Variants in LHFPL2 observed in about 807,000 individuals in gnomAD.
LHFPL2 encodes LHFPL tetraspan subfamily member 2, also known as LHFPL tetraspan subfamily member 2 protein.
In LHFPL2, 7 loss-of-function variants were observed where a neutral mutation model predicts 17.5. That is an observed-to-expected ratio of 0.40 (90% CI 0.23 to 0.75). The LOEUF (loss-of-function observed/expected upper bound fraction) is 0.75. LHFPL2 is among the 30% of genes least tolerant of loss of function. The pLI is 0.37. For synonymous variants in LHFPL2, 134 were observed against 116.2 expected, an observed-to-expected ratio of 1.15 and a Z score of -0.99; for missense variants, 241 against 294.8, an observed-to-expected ratio of 0.82 and a Z score of 1.34.
chr5:78,503,679 T>G (rs369721664), intron 4 of LHFPL2, among the ~76,000 whole-genome samples: 6 of 150,268 alleles, frequency 4.0e-5, no homozygotes, highest in African/African-American at 1.5e-4. Context: ...GCCTGGGCAA[T>G]AAGAGCGAAA....
At chr5:78,627,799 A>C (rs1032802569) in intron 2 of LHFPL2, among the ~76,000 whole-genome samples, 2 of 152,124 alleles carry the variant, frequency 1.3e-5, no homozygotes, top group Admixed American at 1.3e-4. Flanking sequence ...GTGCTTTGAC[A>C]CTCCGAATAA....
chr5:78,523,963 C>T (rs1030785411), intron 3 of LHFPL2, among the ~76,000 whole-genome samples: 3 of 152,012 alleles, frequency 2.0e-5, no homozygotes, highest in African/African-American at 4.8e-5. Flanking sequence ...GGGAAGGAAA[C>T]GAGCCGGACA....
At chr5:78,550,717 C>T (rs10942862) in intron 3 of LHFPL2, among the ~76,000 whole-genome samples, 54,735 of 151,750 alleles carry the variant, frequency 0.36, 10,799 homozygotes, top group Middle Eastern at 0.47. Context: ...ATTACAGGTT[C>T]CCACCACCAG....
At chr5:78,578,182 T>C (rs1484096443) in intron 2 of LHFPL2, among the ~76,000 whole-genome samples, 1 of 152,236 alleles carries the variant, frequency 6.6e-6, no homozygotes. Flanking sequence ...GGCATGGTCC[T>C]CTGTACTTCA....
intron 1 of LHFPL2, among the ~76,000 whole-genome samples, chr5:78,645,243 G>A (rs1472840289): frequency 6.6e-6 from 1 of 151,578 alleles, no homozygotes; most frequent in Non-Finnish European, 1.5e-5. Context: ...AAACAGAGGT[G>A]TATGGGTTTT....
Position 78,510,244 on chromosome 5 carries a change from A to T in LHFPL2, c.-31T>A, listed in dbSNP as rs755661125. The T allele has an allele frequency of 1.9e-6, 3 of 1,539,558 alleles. No individual in the cohort carries two copies. The highest frequency in any genetic ancestry group is 2.6e-6 in the Non-Finnish European group (3 of 1,141,762). The stretch of plus-strand genomic sequence containing the variant: ...TGTTCCGGGCGAAGAAAGAGTCAGG[A>T]GTCCACGGAGTTAATCAAAACAAGA... On this transcript the variant is annotated 5_prime_UTR_variant, in exon 4 of 5. Transcript: ENST00000380345.
chr5:78,580,799 CT>C (rs2112442231), intron 2 of LHFPL2, among the ~76,000 whole-genome samples: 1 of 152,022 alleles, frequency 6.6e-6, no homozygotes, highest in Admixed American at 6.5e-5. Context: ...CAGCTTTGTT[CT>C]TTTGGCTTAG....
chr5:78,519,694 C>T (rs1048888868), intron 3 of LHFPL2, among the ~76,000 whole-genome samples: 30 of 152,222 alleles, frequency 2.0e-4, no homozygotes, highest in Non-Finnish European at 2.4e-4. Flanking sequence ...AAGCTTAGAA[C>T]AGCACTTAGC....
intron 4 of LHFPL2, among the ~76,000 whole-genome samples, chr5:78,498,546 C>T (rs1754678383): frequency 6.6e-6 from 1 of 152,184 alleles, no homozygotes; most frequent in South Asian, 2.1e-4. Context: ...CTAAGGCAAA[C>T]TGTCAGACAG....
intron 2 of LHFPL2, among the ~76,000 whole-genome samples, chr5:78,573,025 T>C (rs1757042803): frequency 1.3e-5 from 2 of 152,206 alleles, no homozygotes; most frequent in Non-Finnish European, 2.9e-5. Context: ...CTCGCTCGCC[T>C]GGTCCTGCTG....
chr5:78,624,118 G>A (rs1367525909), intron 2 of LHFPL2, among the ~76,000 whole-genome samples: 1 of 152,210 alleles, frequency 6.6e-6, no homozygotes, highest in African/African-American at 2.4e-5. Context: ...TTGCTGGCCT[G>A]CAGAGAGCCT....
In LHFPL2 at chr5:78,585,200, G is replaced by C. The variant is rs1404291188; in HGVS notation, c.-244-20329C>G. The stretch of plus-strand genomic sequence containing the variant: ...TTTTTGTATTTTTAGTAGAGACGGG[G>C]TTTCACCGTTTTTAGCCGGGATGGT... On this transcript the variant is annotated intron_variant, in intron 2 of 4. Coordinates refer to ENST00000380345, the MANE Select transcript of LHFPL2 (RefSeq NM_005779.3). Among the ~76,000 whole-genome samples the C allele has an allele frequency of 2.1e-5, 2 of 95,410 alleles. 1 individual carries two copies. The highest frequency in any genetic ancestry group is 4.8e-5 in the Non-Finnish European group (2 of 41,486). The allele number at this position is 95,410 out of a possible 152,430, so 62.6% of individuals were successfully genotyped here.
intron 3 of LHFPL2, among the ~76,000 whole-genome samples, chr5:78,520,200 G>A (rs1225791153): frequency 6.6e-6 from 1 of 152,064 alleles, no homozygotes; most frequent in Non-Finnish European, 1.5e-5. Flanking sequence ...TCTCCCCAAG[G>A]CCACAAAAGC....
At chr5:78,530,417 C>T (rs1454397377) in intron 3 of LHFPL2, among the ~76,000 whole-genome samples, 1 of 152,146 alleles carries the variant, frequency 6.6e-6, no homozygotes, top group Non-Finnish European at 1.5e-5. Context: ...CAGGCTGAAC[C>T]ATAAACAGTC....
intron 4 of LHFPL2, among the ~76,000 whole-genome samples, chr5:78,499,966 G>A (rs1386233039): frequency 6.6e-6 from 1 of 151,776 alleles, no homozygotes; most frequent in Non-Finnish European, 1.5e-5. Flanking sequence ...TGTACAGAAT[G>A]TGGAACACCT....
chr5:78,596,137 A>G lies in LHFPL2; in HGVS notation c.-244-31266T>C, dbSNP rs116434621. ...TTATAATAAATTATAAGCAACCCTCATGACATCTAAATTATACATTTATTT... is the reference window on the plus strand; with the variant it reads ...TTATAATAAATTATAAGCAACCCTCGTGACATCTAAATTATACATTTATTT... On this transcript the variant is annotated intron_variant, in intron 2 of 4. Transcript: ENST00000380345. Among the ~76,000 whole-genome samples, 1,029 of 152,342 alleles carry G rather than the reference A, an allele frequency of 6.8e-3. 11 individuals are homozygous for G. The highest frequency in any genetic ancestry group is 0.023 in the African/African-American group (961 of 41,578).
At chr5:78,639,028 C>G (rs893558033) in intron 1 of LHFPL2, among the ~76,000 whole-genome samples, 5 of 152,124 alleles carry the variant, frequency 3.3e-5, no homozygotes, top group African/African-American at 1.2e-4. Flanking sequence ...AAGCCAGAAG[C>G]CTCTTAGGAC....
chr5:78,591,595 T>C (rs1399926113), intron 2 of LHFPL2, among the ~76,000 whole-genome samples: 1 of 152,060 alleles, frequency 6.6e-6, no homozygotes, highest in Non-Finnish European at 1.5e-5. Flanking sequence ...TCTGAGAAAA[T>C]GTTTGTGATC....
At position 78,597,549 on chromosome 5, in the gene LHFPL2, G is replaced by A. The variant is rs145666930; in HGVS notation, c.-244-32678C>T. On this transcript the variant is annotated intron_variant, in intron 2 of 4. Coordinates refer to ENST00000380345, the MANE Select transcript of LHFPL2 (RefSeq NM_005779.3). ...TTGTGTGGGAGAGTGGTGAACTGACGTAGCAGATTATGGAAGACTGTGAAC... is the reference window on the plus strand; with the variant it reads ...TTGTGTGGGAGAGTGGTGAACTGACATAGCAGATTATGGAAGACTGTGAAC... Among the ~76,000 whole-genome samples, 1,330 of 152,276 alleles carry A rather than the reference G, an allele frequency of 8.7e-3. 8 individuals carry two copies. The highest frequency in any genetic ancestry group is 0.015 in the Non-Finnish European group (1,029 of 68,012).
Sources: gnomAD v4.1 joint callset for allele counts (sites outside exome capture counted in the v4.1 genomes callset) on GRCh38, gnomAD v4.1.1 for gene constraint, MANE v1.5 for transcripts, NCBI Gene and HGNC (gene_info 2026-07-23, HGNC 2026-07-21) for gene names.